The following TMC1 variants were observed in gnomAD, a reference collection of about 807,000 sequenced individuals.
TMC1 encodes transmembrane channel-like protein 1.
Under a neutral mutation model 105.8 loss-of-function variants are expected in TMC1, and 84 were observed. That is an observed-to-expected ratio of 0.79 (90% CI 0.67 to 0.95). The LOEUF (loss-of-function observed/expected upper bound fraction) is 0.95, where lower values mean the gene tolerates loss of function less well. TMC1 is among the 40% of genes least tolerant of loss of function. The probability of loss-of-function intolerance (pLI) is 0.00; values close to 1 mark genes in which losing one functional copy is unlikely to be tolerated. For synonymous variants in TMC1, 315 were observed against 311.5 expected (o/e 1.01, Z -0.12); for missense variants, 817 against 914.1 (o/e 0.89, Z 1.37).
chr9:72,682,630 TAAG>T (rs1254364051), intron 5 of TMC1, among the ~76,000 whole-genome samples: 2 of 152,132 alleles, frequency 1.3e-5, no homozygotes, highest in Non-Finnish European at 2.9e-5. Context: ...TATTCTAGAG[TAAG>T]AAGAATTGCA....
At chr9:72,805,152 C>T (rs768323724) in intron 17 of TMC1, 27 of 391,624 alleles carry the variant, frequency 6.9e-5, no homozygotes, top group Non-Finnish European at 2.8e-5. Context: ...TGAAATTTCT[C>T]AGTAAGAAGA....
At position 72,568,218 on chromosome 9, in the gene TMC1, G is replaced by A. The variant is rs576498451; in HGVS notation, c.-427-9684G>A. Reference sequence around the variant, plus strand: ...CTTCTCAACCCCCCAAACTGAACTTGCCTCTTCAACACACTCCCTTGTGCC... The same window carrying A: ...CTTCTCAACCCCCCAAACTGAACTTACCTCTTCAACACACTCCCTTGTGCC... On this transcript the variant is annotated intron_variant, in intron 1 of 23. Transcript: ENST00000297784. Among the ~76,000 whole-genome samples the A allele has an allele frequency of 2.4e-4, 36 of 152,024 alleles. No homozygotes were observed. The South Asian group carries it at 7.5e-3, about 32-fold the overall frequency.
intron 1 of TMC1, among the ~76,000 whole-genome samples, chr9:72,560,737 G>A (rs943969776): frequency 1.3e-5 from 2 of 151,582 alleles, no homozygotes; most frequent in East Asian, 2.0e-4. Context: ...GCCCGCCTCC[G>A]CCTCCCAAAG....
intron 5 of TMC1, among the ~76,000 whole-genome samples, chr9:72,664,612 T>G (rs763103946): frequency 1.4e-4 from 21 of 152,096 alleles, no homozygotes; most frequent in Non-Finnish European, 2.9e-5. Context: ...CATCTGAATG[T>G]CAAGAGGAGT....
intron 1 of TMC1, among the ~76,000 whole-genome samples, chr9:72,567,830 C>T (rs1371561360): frequency 6.6e-6 from 1 of 152,140 alleles, no homozygotes; most frequent in African/African-American, 2.4e-5. Context: ...TATTTTGTCT[C>T]AGACAAATAA....
At chr9:72,576,805 AT>A (rs1330639819) in intron 1 of TMC1, among the ~76,000 whole-genome samples, 1 of 151,424 alleles carries the variant, frequency 6.6e-6, no homozygotes, top group African/African-American at 2.4e-5. Flanking sequence ...ATTTTTTTGT[AT>A]TTTTAGTAGA....
chr9:72,652,757 T>G (rs1400967401), intron 5 of TMC1, among the ~76,000 whole-genome samples: 1 of 152,230 alleles, frequency 6.6e-6, no homozygotes, highest in Non-Finnish European at 1.5e-5. Flanking sequence ...GAAATTTTCC[T>G]TCAATGTATC....
At chr9:72,804,649 A>G (rs1290066190) in intron 17 of TMC1, among the ~76,000 whole-genome samples, 1 of 152,230 alleles carries the variant, frequency 6.6e-6, no homozygotes, top group East Asian at 1.9e-4. Flanking sequence ...CATTTCTAAA[A>G]GTGGATTTTC....
chr9:72,618,209 A>G (rs1487046412), intron 3 of TMC1, among the ~76,000 whole-genome samples: 1 of 151,306 alleles, frequency 6.6e-6, no homozygotes, highest in Non-Finnish European at 1.5e-5. Flanking sequence ...TTGTATTTTT[A>G]GTGGAGACTG....
At position 72,685,362 on chromosome 9, in the gene TMC1, ATT is replaced by A. The variant is rs35423971; in HGVS notation, c.17-3329_17-3328del. The stretch of plus-strand genomic sequence containing the variant: ...ACCTCATGATCCACCCGCCTTGGCC[ATT>A]TTTTTTTTTTTTTTTTTAAGAGGGA... On this transcript the variant is annotated intron_variant, in intron 5 of 23. Transcript: ENST00000297784. 7.8e-3 allele frequency among the ~76,000 whole-genome samples: 983 copies of A among 125,582 alleles called. 16 individuals are homozygous for A. Among genetic ancestry groups the A allele is most frequent in the African/African-American group, 0.024 (831 of 34,456 alleles). The allele number at this position is 125,582 out of a possible 152,430, so 82.4% of individuals were successfully genotyped here.
chr9:72,715,199 T>C (rs1826897601), intron 8 of TMC1, among the ~76,000 whole-genome samples: 1 of 152,222 alleles, frequency 6.6e-6, no homozygotes, highest in African/African-American at 2.4e-5. Context: ...TAATATTTTT[T>C]CTTTCATTTC....
chr9:72,795,210 A>T (rs549880826), intron 17 of TMC1, among the ~76,000 whole-genome samples: 66 of 152,326 alleles, frequency 4.3e-4, no homozygotes, highest in African/African-American at 1.6e-3. Context: ...ATATTTTAGG[A>T]TATTATCCAT....
intron 1 of TMC1, among the ~76,000 whole-genome samples, chr9:72,546,060 A>AGT (rs1823763419): frequency 6.6e-6 from 1 of 151,834 alleles, no homozygotes; most frequent in South Asian, 2.1e-4. Flanking sequence ...AGGTGGATGG[A>AGT]TCACCTGAGG....
intron 1 of TMC1, among the ~76,000 whole-genome samples, chr9:72,572,355 C>G (rs1047801936): frequency 9.9e-5 from 15 of 151,878 alleles, no homozygotes; most frequent in Admixed American, 3.3e-4. Context: ...ACCACCACAT[C>G]TGGTTAATTT....
chr9:72,542,462 A>G (rs1823694680), intron 1 of TMC1, among the ~76,000 whole-genome samples: 1 of 151,774 alleles, frequency 6.6e-6, no homozygotes, highest in Non-Finnish European at 1.5e-5. Flanking sequence ...TCTGTCTCAA[A>G]ATAAACAATT....
chr9:72,582,439 C>T (rs1040860805), intron 2 of TMC1, among the ~76,000 whole-genome samples: 1 of 152,190 alleles, frequency 6.6e-6, no homozygotes, highest in African/African-American at 2.4e-5. Flanking sequence ...TTGATCTTGG[C>T]TTGGATAGGC....
intron 4 of TMC1, among the ~76,000 whole-genome samples, chr9:72,629,490 T>C (rs1194672176): frequency 6.6e-6 from 1 of 152,096 alleles, no homozygotes; most frequent in East Asian, 1.9e-4. Flanking sequence ...GGAAAACTAA[T>C]AGGAATATTA....
At chr9:72,552,289 G>A (rs1248529554) in intron 1 of TMC1, among the ~76,000 whole-genome samples, 1 of 152,102 alleles carries the variant, frequency 6.6e-6, no homozygotes, top group East Asian at 1.9e-4. Flanking sequence ...TCTGTGCTTT[G>A]GACAGAATTG....
intron 2 of TMC1, among the ~76,000 whole-genome samples, chr9:72,609,084 C>T (rs1483080553): frequency 1.3e-5 from 2 of 151,982 alleles, no homozygotes; most frequent in South Asian, 2.1e-4. Context: ...TCCTTTCCTC[C>T]TTCCCCATCT....
Sources: gnomAD v4.1 joint callset for allele counts (sites outside exome capture counted in the v4.1 genomes callset) on GRCh38, gnomAD v4.1.1 for gene constraint, MANE v1.5 for transcripts, NCBI Gene and HGNC (gene_info 2026-07-23, HGNC 2026-07-21) for gene names.